Variants in SLC9A9 observed in about 807,000 individuals in gnomAD.
The protein encoded by SLC9A9 is sodium/hydrogen exchanger 9.
In SLC9A9, 62 loss-of-function variants were observed where a neutral mutation model predicts 77.8. The observed-to-expected ratio is 0.80, with a 90% confidence interval of 0.65 to 0.98. SLC9A9 has a LOEUF of 0.98. SLC9A9 is among the 50% of genes least tolerant of loss of function. The pLI is 0.00. For missense variants in SLC9A9, 775 were observed against 774.9 expected (o/e 1.00, Z 0.00); for synonymous variants, 320 against 283.5 (o/e 1.13, Z -1.29).
intron 4 of SLC9A9, among the ~76,000 whole-genome samples, chr3:143,717,368 T>C (rs1934382261): frequency 1.3e-5 from 2 of 152,256 alleles, no homozygotes; most frequent in African/African-American, 4.8e-5. Flanking sequence ...GGCTTCTCTC[T>C]TTAATTCCTC....
At chr3:143,312,989 T>C (rs2031076153) in intron 14 of SLC9A9, 1 of 152,244 alleles carries the variant, frequency 6.6e-6, no homozygotes, top group African/African-American at 2.4e-5. Context: ...AACTAATTCC[T>C]CCTAGGAGAC....
rs115854504 is a variant in SLC9A9, at chr3:143,320,844, G to A, written c.1604+42640C>T. Among the ~76,000 whole-genome samples, 851 of 152,332 alleles carry A rather than the reference G, an allele frequency of 5.6e-3. 1 individual carries two copies. The highest frequency in any genetic ancestry group is 0.01 in the Middle Eastern group (3 of 294). ...TTTGCAGATATAATTAAGATGAGATGAGGTCATAGCATGGATCCCTAACTC... is the reference window on the plus strand; with the variant it reads ...TTTGCAGATATAATTAAGATGAGATAAGGTCATAGCATGGATCCCTAACTC... On this transcript the variant is annotated intron_variant, in intron 14 of 15. Transcript: ENST00000316549.
intron 4 of SLC9A9, among the ~76,000 whole-genome samples, chr3:143,749,116 T>C (rs115356266): frequency 2.7e-3 from 417 of 152,344 alleles, no homozygotes; most frequent in African/African-American, 9.6e-3. Context: ...ATTTAAAGCA[T>C]GTTTGAAACA....
At chr3:143,649,453 C>A (rs544989250) in intron 6 of SLC9A9, among the ~76,000 whole-genome samples, 2 of 152,174 alleles carry the variant, frequency 1.3e-5, no homozygotes, top group African/African-American at 4.8e-5. Context: ...GATATAGCAC[C>A]CACCACCTGC....
chr3:143,492,241 G>A (rs998074165), intron 11 of SLC9A9, among the ~76,000 whole-genome samples: 55 of 146,024 alleles, frequency 3.8e-4, no homozygotes, highest in Non-Finnish European at 6.3e-4. Flanking sequence ...GCAGTGAGCC[G>A]AGATCACACC....
chr3:143,354,308 A>T (rs974423123), intron 14 of SLC9A9, among the ~76,000 whole-genome samples: 1 of 152,164 alleles, frequency 6.6e-6, no homozygotes, highest in African/African-American at 2.4e-5. Flanking sequence ...TCCTCTATTA[A>T]CCACCAGCAT....
chr3:143,653,611 T>C (rs2038837658), intron 5 of SLC9A9, among the ~76,000 whole-genome samples: 1 of 152,176 alleles, frequency 6.6e-6, no homozygotes, highest in Non-Finnish European at 1.5e-5. Context: ...GCTTGTTCTT[T>C]CATAATAGAG....
At chr3:143,618,884 G>T (rs578245777) in intron 6 of SLC9A9, among the ~76,000 whole-genome samples, 24 of 152,276 alleles carry the variant, frequency 1.6e-4, no homozygotes, top group African/African-American at 5.5e-4. Context: ...GACTCAGAGG[G>T]TTTAGACCAT....
intron 4 of SLC9A9, among the ~76,000 whole-genome samples, chr3:143,771,500 C>G (rs539062625): frequency 6.6e-6 from 1 of 152,302 alleles, no homozygotes; most frequent in African/African-American, 2.4e-5. Context: ...TAGACACACA[C>G]TCTGAAGTCA....
chr3:143,839,556 T>C (rs2009656847), intron 1 of SLC9A9, among the ~76,000 whole-genome samples: 2 of 151,818 alleles, frequency 1.3e-5, no homozygotes, highest in African/African-American at 2.4e-5. Flanking sequence ...CACACACATA[T>C]AGCACATATG....
chr3:143,266,118 G>A lies in SLC9A9; in HGVS notation c.*584C>T, dbSNP rs1167171880. ...AAGAAGGATGCCAAGAAGAACAATA[G>A]GTTCTTCAACTCAGTGTGGGCTCTG... On this transcript the variant is annotated 3_prime_UTR_variant, in exon 16 of 16. Coordinates refer to ENST00000316549, the MANE Select transcript of SLC9A9 (RefSeq NM_173653.4). 5 of 702,114 alleles carry A rather than the reference G, an allele frequency of 7.1e-6. No homozygotes were observed. Among genetic ancestry groups the A allele is most frequent in the African/African-American group, 1.7e-5 (1 of 57,236 alleles). 43.5% of individuals were successfully genotyped at this position (702,114 alleles called of 1,614,324 possible).
chr3:143,578,663 G>A lies in SLC9A9; in HGVS notation c.816C>T (p.Phe272=), dbSNP rs368746990. 3 of 1,614,090 alleles carry A rather than the reference G, an allele frequency of 1.9e-6. No individual in the cohort carries two copies. The highest frequency in any genetic ancestry group is 2.2e-5 in the East Asian group (1 of 44,864). ...TTCCCAGGAAATTCCCCACAGACTG[G>A]AAGAATGCTGCGGCATCAAATGCAT... ...NPNAFDAAAF[F]QSVGNFLGIF... Residue 272 remains phenylalanine, a synonymous_variant, in exon 7 of 16, where the codon TTC becomes TTT. Transcript: ENST00000316549.
At chr3:143,450,056 TATATAATATGTATATATA>T (rs1335057716) in intron 12 of SLC9A9, among the ~76,000 whole-genome samples, 11 of 36,228 alleles carry the variant, frequency 3.0e-4, no homozygotes, top group East Asian at 9.9e-4. Context: ...TATACACACA[TATATAATATGTATATATA>T]ATATAACATA....
intron 1 of SLC9A9, among the ~76,000 whole-genome samples, chr3:143,841,790 G>A (rs530394326): frequency 0.057 from 662 of 11,570 alleles, 5 homozygotes; most frequent in African/African-American, 0.1. Context: ...CAGTCTTCCC[G>A]TCACCTAGGT....
In SLC9A9 at chr3:143,744,875, AGAT is replaced by A. The variant is rs1179115259; in HGVS notation, c.533+50123_533+50125del. 9.2e-5 allele frequency among the ~76,000 whole-genome samples: 14 copies of A among 152,296 alleles called. 1 individual carries two copies. Among genetic ancestry groups the A allele is most frequent in the Admixed American group, 9.2e-4 (14 of 15,290 alleles). ...AGAAGTTTTTAATGAGGCAGGCATG[AGAT>A]GATATTTATCTGAAGTCTGCCCACT... On this transcript the variant is annotated intron_variant, in intron 4 of 15. Transcript: ENST00000316549.
chr3:143,358,822 A>G (rs999252141), intron 14 of SLC9A9, among the ~76,000 whole-genome samples: 2 of 152,244 alleles, frequency 1.3e-5, no homozygotes, highest in Admixed American at 1.3e-4. Context: ...TAAAATCAAC[A>G]TGATTGGTGA....
At chr3:143,412,375 G>A (rs542354849) in intron 12 of SLC9A9, among the ~76,000 whole-genome samples, 4 of 152,086 alleles carry the variant, frequency 2.6e-5, no homozygotes, top group African/African-American at 9.6e-5. Context: ...CTAAAGTGCA[G>A]GCGTGATGAC....
At chr3:143,456,232 C>G (rs1248866842) in intron 12 of SLC9A9, among the ~76,000 whole-genome samples, 2 of 152,146 alleles carry the variant, frequency 1.3e-5, no homozygotes, top group African/African-American at 4.8e-5. Flanking sequence ...ACCAGACTTG[C>G]ATTCCTGAGA....
chr3:143,661,232 T>A (rs911689180), intron 5 of SLC9A9, among the ~76,000 whole-genome samples: 8 of 152,236 alleles, frequency 5.3e-5, no homozygotes, highest in Admixed American at 2.0e-4. Flanking sequence ...CATTTTAATT[T>A]TCTTTTTGAG....
Sources: allele counts gnomAD v4.1 joint callset (sites outside exome capture counted in the v4.1 genomes callset), GRCh38; gene constraint gnomAD v4.1.1; transcripts MANE v1.5; gene names NCBI Gene and HGNC (gene_info 2026-07-23, HGNC 2026-07-21).